The following METTL15 variants were observed in gnomAD, a reference collection of about 807,000 sequenced individuals.
METTL15 encodes the protein methyltransferase 15, mitochondrial 12S rRNA N4-cytidine.
Under a neutral mutation model 38.3 loss-of-function variants are expected in METTL15, and 34 were observed. The observed-to-expected ratio is 0.89, with a 90% CI of 0.68 to 1.18. METTL15 has a LOEUF of 1.18. Among genes scored for constraint, METTL15 ranks in the 50% most tolerant of loss-of-function variants. The pLI, the probability that METTL15 is intolerant of heterozygous loss-of-function variation, is 0.00. For missense variants in METTL15, 438 were observed against 498.4 expected, an observed-to-expected ratio of 0.88 and a Z score of 1.15; for synonymous variants, 162 against 170.9, an observed-to-expected ratio of 0.95 and a Z score of 0.41.
intron 6 of METTL15, among the ~76,000 whole-genome samples, chr11:28,306,992 T>C (rs1857104798): frequency 6.6e-6 from 1 of 152,004 alleles, no homozygotes; most frequent in South Asian, 2.1e-4. Context: ...TTAATATATT[T>C]TATATTTCTT....
downstream of METTL15, among the ~76,000 whole-genome samples, chr11:28,333,908 CTT>C (rs1222315611): frequency 2.0e-5 from 3 of 151,602 alleles, no homozygotes; most frequent in African/African-American, 7.3e-5. Context: ...TTTCTTAAGT[CTT>C]TGCAGAGTAT....
At chr11:28,386,543 CAT>C (rs1850443055) in intron 5 of METTL15, among the ~76,000 whole-genome samples, 1 of 151,786 alleles carries the variant, frequency 6.6e-6, no homozygotes, top group African/African-American at 2.4e-5. Flanking sequence ...ATAATACAAA[CAT>C]GTCTGTCATT....
intron 4 of METTL15, among the ~76,000 whole-genome samples, chr11:28,265,640 T>C (rs1276151342): frequency 3.9e-5 from 6 of 152,138 alleles, no homozygotes; most frequent in Admixed American, 3.9e-4. Context: ...TTGAAATTTC[T>C]TGGCTTTCTT....
At chr11:28,435,093 A>G (rs563578326) in intron 6 of METTL15, among the ~76,000 whole-genome samples, 1 of 152,336 alleles carries the variant, frequency 6.6e-6, no homozygotes, top group African/African-American at 2.4e-5. Flanking sequence ...TCAATCTTCC[A>G]TAGTCTGCCT....
chr11:28,406,407 T>A (rs896724330), intron 5 of METTL15, among the ~76,000 whole-genome samples: 2 of 152,144 alleles, frequency 1.3e-5, no homozygotes, highest in African/African-American at 4.8e-5. Flanking sequence ...GGAATGCTTG[T>A]AATTTTTGCC....
At chr11:28,488,655 A>G (rs1318580921) in intron 6 of METTL15, among the ~76,000 whole-genome samples, 1 of 152,062 alleles carries the variant, frequency 6.6e-6, no homozygotes, top group Non-Finnish European at 1.5e-5. Context: ...GCTTGGCTGG[A>G]TTTTGTGTTA....
rs185448955 is a variant in METTL15, at chr11:28,173,306, G to A, written c.271-37756G>A. 1.9e-4 allele frequency among the ~76,000 whole-genome samples: 29 copies of A among 152,230 alleles called. 1 individual carries two copies. The East Asian group carries it at 3.3e-3, about 17-fold the overall frequency. On this transcript the variant is annotated intron_variant, in intron 3 of 6. Transcript: ENST00000407364. Reference sequence around the variant, plus strand: ...GGCATGAGGGTGAAGCAATCATGAAGGGGAAGAGTACCCTCTAAGAATTCC... The same window carrying A: ...GGCATGAGGGTGAAGCAATCATGAAAGGGAAGAGTACCCTCTAAGAATTCC...
chr11:28,411,470 A>G lies in METTL15; in HGVS notation c.*359-12829A>G, dbSNP rs184900669. 2.0e-3 allele frequency among the ~76,000 whole-genome samples: 306 copies of G among 152,196 alleles called. 1 individual carries two copies. Among genetic ancestry groups the G allele is most frequent in the African/African-American group, 5.9e-3 (247 of 41,556 alleles). On this transcript the variant is annotated intron_variant and NMD_transcript_variant, in intron 5 of 7. Coordinates refer to the METTL15 transcript ENST00000532947. ...CAACTAATTTTCAGCAAGGGCATCA[A>G]GAAGTCACGAAGGGGAAACAATAGT...
At chr11:28,436,152 C>T (rs75024742) in intron 6 of METTL15, among the ~76,000 whole-genome samples, 5,788 of 152,246 alleles carry the variant, frequency 0.038, 367 homozygotes, top group African/African-American at 0.13. Context: ...TAACAGGTGA[C>T]AGTCTTAACA....
chr11:28,159,587 T>C (rs1850382461), intron 3 of METTL15, among the ~76,000 whole-genome samples: 1 of 152,120 alleles, frequency 6.6e-6, no homozygotes, highest in Admixed American at 6.5e-5. Flanking sequence ...TTATCATGAG[T>C]CTTTCCCCCT....
intron 6 of METTL15, among the ~76,000 whole-genome samples, chr11:28,298,232 C>T (rs1856804837): frequency 6.6e-6 from 1 of 152,100 alleles, no homozygotes; most frequent in South Asian, 2.1e-4. Flanking sequence ...ACTCCGTACT[C>T]ACTAACATGT....
chr11:28,285,474 C>G (rs1187094284), intron 4 of METTL15, among the ~76,000 whole-genome samples: 1 of 151,870 alleles, frequency 6.6e-6, no homozygotes, highest in Non-Finnish European at 1.5e-5. Flanking sequence ...GATTGGACAC[C>G]CCTGCTTTGG....
At chr11:28,270,580 T>C (rs2133956130) in intron 4 of METTL15, among the ~76,000 whole-genome samples, 1 of 152,278 alleles carries the variant, frequency 6.6e-6, no homozygotes, top group East Asian at 1.9e-4. Context: ...CCACTACCCG[T>C]AACAATAGAC....
At chr11:28,394,235 A>G (rs900251002) in intron 5 of METTL15, among the ~76,000 whole-genome samples, 1 of 152,118 alleles carries the variant, frequency 6.6e-6, no homozygotes, top group East Asian at 1.9e-4. Context: ...GCTCTATGAC[A>G]TATAAGAGTT....
At chr11:28,463,423 T>C (rs1363359813) in intron 6 of METTL15, among the ~76,000 whole-genome samples, 1 of 152,148 alleles carries the variant, frequency 6.6e-6, no homozygotes, top group Non-Finnish European at 1.5e-5. Flanking sequence ...AGAATGATTA[T>C]AATAATTATA....
chr11:28,337,760 C>T (rs1222668200), downstream of METTL15, among the ~76,000 whole-genome samples: 2 of 152,210 alleles, frequency 1.3e-5, no homozygotes, highest in East Asian at 3.9e-4. Context: ...CAATTGCCTA[C>T]ATTATCAATA....
intron 5 of METTL15, among the ~76,000 whole-genome samples, chr11:28,372,917 AT>A (rs1850261536): frequency 6.7e-6 from 1 of 149,068 alleles, no homozygotes. Flanking sequence ...ATGATTTCCA[AT>A]TTCATCCATG....
At chr11:28,415,194 G>A (rs1237327154) in intron 5 of METTL15, among the ~76,000 whole-genome samples, 1 of 152,202 alleles carries the variant, frequency 6.6e-6, no homozygotes, top group Non-Finnish European at 1.5e-5. Flanking sequence ...ATGGTTTTCT[G>A]TAGTATATAG....
intron 6 of METTL15, among the ~76,000 whole-genome samples, chr11:28,309,355 T>G (rs1209158113): frequency 6.6e-6 from 1 of 152,128 alleles, no homozygotes; most frequent in Admixed American, 6.5e-5. Flanking sequence ...GCTAACTTGT[T>G]TTTTCTCTTG....
Sources: allele counts gnomAD v4.1 joint callset (sites outside exome capture counted in the v4.1 genomes callset), GRCh38; gene constraint gnomAD v4.1.1; transcripts MANE v1.5; gene names NCBI Gene and HGNC (gene_info 2026-07-23, HGNC 2026-07-21).